Variants in ACOXL observed in about 807,000 individuals in gnomAD.
ACOXL encodes acyl-coenzyme A oxidase-like protein.
In ACOXL, 70 loss-of-function variants were observed where a neutral mutation model predicts 71.9. That is an observed-to-expected ratio of 0.97 (90% CI 0.80 to 1.19). The LOEUF (loss-of-function observed/expected upper bound fraction) is 1.19, where lower values mean the gene tolerates loss of function less well. Among genes scored for constraint, ACOXL ranks in the 50% most tolerant of loss-of-function variants. ACOXL has a pLI of 0.00. For synonymous variants in ACOXL, 253 were observed against 281.6 expected (o/e 0.90, Z 1.02); for missense variants, 703 against 736.3 (o/e 0.95, Z 0.52).
At chr2:110,773,341 T>C (rs1315603619) in intron 2 of ACOXL, among the ~76,000 whole-genome samples, 2 of 152,172 alleles carry the variant, frequency 1.3e-5, no homozygotes, top group Non-Finnish European at 2.9e-5. Context: ...GTGGTTACTT[T>C]TCTACTCAGA....
intron 9 of ACOXL, among the ~76,000 whole-genome samples, chr2:110,816,561 A>G (rs1687947711): frequency 6.6e-6 from 1 of 152,266 alleles, no homozygotes; most frequent in South Asian, 2.1e-4. Context: ...TATTTCCTGC[A>G]GTGCTTACTT....
At chr2:110,912,824 G>A (rs938228999) in intron 11 of ACOXL, among the ~76,000 whole-genome samples, 1 of 152,052 alleles carries the variant, frequency 6.6e-6, no homozygotes, top group African/African-American at 2.4e-5. Context: ...ACAATCCACA[G>A]AATAGGAGAA....
chr2:111,055,168 G>A (rs1270232016), intron 16 of ACOXL, among the ~76,000 whole-genome samples: 1 of 152,118 alleles, frequency 6.6e-6, no homozygotes, highest in Non-Finnish European at 1.5e-5. Context: ...CCAGGCAGGT[G>A]CCTTTGTCTG....
Position 110,818,469 on chromosome 2 carries a change from A to T in ACOXL, c.753+13074A>T, listed in dbSNP as rs150647850. ...TGTGTGTGTATATATATATATATGT[A>T]TATGTGTATGTGTGTATATATATGT... On this transcript the variant is annotated intron_variant, in intron 9 of 17. Transcript: ENST00000439055. Among the ~76,000 whole-genome samples, 180 of 143,598 alleles carry T rather than the reference A, an allele frequency of 1.3e-3. 4 individuals carry two copies. The East Asian group carries it at 0.033, about 27-fold the overall frequency. The allele number at this position is 143,598 out of a possible 152,430, so 94.2% of individuals were successfully genotyped here.
At chr2:110,950,208 A>T (rs988792254) in intron 12 of ACOXL, among the ~76,000 whole-genome samples, 1 of 152,056 alleles carries the variant, frequency 6.6e-6, no homozygotes, top group African/African-American at 2.4e-5. Context: ...ATGTCTTTTG[A>T]TGTTAATTTG....
intron 10 of ACOXL, among the ~76,000 whole-genome samples, chr2:110,856,125 G>T (rs544138639): frequency 1.7e-4 from 26 of 152,178 alleles, no homozygotes; most frequent in African/African-American, 5.8e-4. Flanking sequence ...GCTACAGAGC[G>T]CTGATTGGTG....
chr2:110,767,729 C>T (rs1229908288), intron 1 of ACOXL, among the ~76,000 whole-genome samples: 1 of 152,160 alleles, frequency 6.6e-6, no homozygotes, highest in African/African-American at 2.4e-5. Context: ...CCAAATGCTG[C>T]TTTTAAGTCA....
At chr2:110,786,401 G>C (rs1439702894) in intron 3 of ACOXL, among the ~76,000 whole-genome samples, 1 of 152,232 alleles carries the variant, frequency 6.6e-6, no homozygotes, top group Non-Finnish European at 1.5e-5. Context: ...TGGGCTCCCT[G>C]TGATTTCAGC....
intron 12 of ACOXL, among the ~76,000 whole-genome samples, chr2:110,938,190 T>G (rs2060735881): frequency 1.3e-5 from 2 of 152,092 alleles, no homozygotes; most frequent in Admixed American, 6.5e-5. Context: ...GAGGACCTGC[T>G]AGGCAGGGGA....
chr2:110,886,661 G>T (rs1573993469), intron 10 of ACOXL: 1 of 1,298,638 alleles, frequency 7.7e-7, no homozygotes, highest in Non-Finnish European at 1.1e-6. Context: ...TTACAGGCTT[G>T]AGCCACTGCG....
At chr2:110,794,040 C>T (rs1559269689) in intron 4 of ACOXL, 36 bp from the exon 5 acceptor site, 1 of 1,603,888 alleles carries the variant, frequency 6.2e-7, no homozygotes, top group Admixed American at 1.7e-5. Flanking sequence ...AACTGCCTGA[C>T]CAGCTAATTC....
chr2:110,921,570 C>G (rs984479957), intron 11 of ACOXL, among the ~76,000 whole-genome samples: 5 of 151,860 alleles, frequency 3.3e-5, no homozygotes, highest in Non-Finnish European at 7.4e-5. Context: ...ACTTTTTGTA[C>G]TTTTAGTAGA....
intron 11 of ACOXL, among the ~76,000 whole-genome samples, chr2:110,930,735 G>T (rs2060450180): frequency 6.6e-6 from 1 of 152,182 alleles, no homozygotes; most frequent in Non-Finnish European, 1.5e-5. Flanking sequence ...TCATGGTAGT[G>T]AATAAGTCTC....
chr2:110,928,558 CTTGT>C (rs2060362884), intron 11 of ACOXL, among the ~76,000 whole-genome samples: 1 of 152,162 alleles, frequency 6.6e-6, no homozygotes, highest in Non-Finnish European at 1.5e-5. Flanking sequence ...GCCAAAAAGT[CTTGT>C]TTGGTCTTTT....
chr2:110,987,244 C>A, intron 13 of ACOXL, 27 bp downstream of exon 13: 1 of 1,547,470 alleles, frequency 6.5e-7, no homozygotes, highest in Non-Finnish European at 8.8e-7. Context: ...CCATCATCAT[C>A]TGCCTTCAGT....
At chr2:110,881,077 TA>T (rs1323926868) in intron 10 of ACOXL, among the ~76,000 whole-genome samples, 1 of 151,972 alleles carries the variant, frequency 6.6e-6, no homozygotes, top group Non-Finnish European at 1.5e-5. Context: ...GTTTCTAATA[TA>T]TTTTTTCCAA....
chr2:110,893,251 C>T (rs1162276032), intron 10 of ACOXL, among the ~76,000 whole-genome samples: 1 of 151,836 alleles, frequency 6.6e-6, no homozygotes, highest in Non-Finnish European at 1.5e-5. Flanking sequence ...ATATAAAGAG[C>T]TTCTATAAAT....
intron 14 of ACOXL, among the ~76,000 whole-genome samples, chr2:111,025,676 G>A (rs1160785367): frequency 1.3e-5 from 2 of 152,148 alleles, no homozygotes; most frequent in African/African-American, 4.8e-5. Flanking sequence ...TGACTGAGCT[G>A]TAGATGTCTT....
intron 16 of ACOXL, among the ~76,000 whole-genome samples, chr2:111,068,027 G>A (rs1324476011): frequency 1.3e-5 from 2 of 152,142 alleles, no homozygotes; most frequent in Non-Finnish European, 2.9e-5. Context: ...GGGGTCCCCA[G>A]GGCCTGACAC....
Sources: allele counts gnomAD v4.1 joint callset (sites outside exome capture counted in the v4.1 genomes callset), GRCh38; gene constraint gnomAD v4.1.1; transcripts MANE v1.5; gene names NCBI Gene and HGNC (gene_info 2026-07-23, HGNC 2026-07-21).